Variants in CNOT4 observed in about 807,000 individuals in gnomAD.
The protein encoded by CNOT4 is CCR4-NOT transcription complex subunit 4, also known as CCR4-associated factor 4.
In CNOT4, 8 loss-of-function variants were observed where a neutral mutation model predicts 73.8. The ratio of observed to expected loss-of-function variants is 0.11; its 90% CI spans 0.06 to 0.20. CNOT4 has a LOEUF of 0.20. CNOT4 is among the 10% of genes least tolerant of loss of function. The probability of loss-of-function intolerance (pLI) is 1.00; values close to 1 mark genes in which losing one functional copy is unlikely to be tolerated. For synonymous variants in CNOT4, 293 were observed against 321.1 expected (o/e 0.91, Z 0.94); for missense variants, 564 against 883.4 (o/e 0.64, Z 4.58).
Position 135,362,745 on chromosome 7 carries a change from G to A in CNOT4, c.*140C>T, listed in dbSNP as rs1053998464. 2.4e-6 allele frequency: 2 copies of A among 831,906 alleles called. No individual in the cohort carries two copies. The highest frequency in any genetic ancestry group is 1.7e-5 in the Admixed American group (1 of 59,078). The allele number at this position is 831,906 out of a possible 1,614,324, so 51.5% of individuals were successfully genotyped here. On this transcript the variant is annotated 3_prime_UTR_variant, in exon 12 of 12. Coordinates refer to ENST00000541284, the MANE Select transcript of CNOT4 (RefSeq NM_001190850.2). ...TGACCCTGTGATCGCATTGCATCTG[G>A]GGTTAGGGAGAAAAAAAATTGATCA...
intron 1 of CNOT4, among the ~76,000 whole-genome samples, chr7:135,461,182 T>C (rs181597395): frequency 1.3e-4 from 20 of 152,294 alleles, no homozygotes; most frequent in Admixed American, 1.2e-3. Flanking sequence ...AAGTCTAGTG[T>C]AATGATTCTT....
intron 1 of CNOT4, among the ~76,000 whole-genome samples, chr7:135,466,274 G>A (rs1801212920): frequency 6.6e-6 from 1 of 151,592 alleles, no homozygotes; most frequent in Non-Finnish European, 1.5e-5. Flanking sequence ...GTGAGATCAG[G>A]AGTTTGAGAA....
intron 1 of CNOT4, among the ~76,000 whole-genome samples, chr7:135,468,973 T>G (rs373839300): frequency 3.4e-4 from 51 of 152,218 alleles, no homozygotes; most frequent in African/African-American, 1.2e-3. Context: ...AGAAGCAGCA[T>G]GTGAAGACCA....
intron 1 of CNOT4, among the ~76,000 whole-genome samples, chr7:135,471,467 T>G (rs1801570065): frequency 6.6e-6 from 1 of 152,218 alleles, no homozygotes; most frequent in South Asian, 2.1e-4. Context: ...AGCATCTTCC[T>G]AACTAAAATG....
At chr7:135,482,992 A>T (rs1309948401) in intron 1 of CNOT4, among the ~76,000 whole-genome samples, 2 of 150,586 alleles carry the variant, frequency 1.3e-5, no homozygotes, top group Non-Finnish European at 3.0e-5. Context: ...ATATCAAAAA[A>T]AAAAAAAAAA....
At chr7:135,398,253 A>T (rs942916694) in intron 7 of CNOT4, 27 bp from the exon 8 acceptor site, 2 of 1,209,286 alleles carry the variant, frequency 1.7e-6, no homozygotes, top group Non-Finnish European at 2.5e-6. Flanking sequence ...AATTGAATAA[A>T]ATCAGAATAT....
chr7:135,508,301 TAGTC>T (rs1804503479), intron 1 of CNOT4, among the ~76,000 whole-genome samples: 1 of 152,220 alleles, frequency 6.6e-6, no homozygotes, highest in African/African-American at 2.4e-5. Context: ...ATTTTACCAT[TAGTC>T]AGTACATCTT....
chr7:135,411,586 A>G (rs1797591170), intron 6 of CNOT4, among the ~76,000 whole-genome samples: 1 of 152,038 alleles, frequency 6.6e-6, no homozygotes, highest in South Asian at 2.1e-4. Flanking sequence ...TGTGGAAGCT[A>G]ATTAGACACA....
At chr7:135,368,271 A>C (rs1795017464) in intron 10 of CNOT4, among the ~76,000 whole-genome samples, 1 of 152,176 alleles carries the variant, frequency 6.6e-6, no homozygotes, top group Non-Finnish European at 1.5e-5. Flanking sequence ...TAGTAAGCGG[A>C]TCATGATGCA....
At chr7:135,414,783 C>A (rs974242540) in intron 4 of CNOT4, among the ~76,000 whole-genome samples, 1 of 151,850 alleles carries the variant, frequency 6.6e-6, no homozygotes, top group African/African-American at 2.4e-5. Context: ...AAATTACATT[C>A]TCAAAAATAA....
Position 135,363,071 on chromosome 7 carries a change from T to C in CNOT4, c.1956A>G (p.Ser652=). The change falls in exon 12 of 12, where the codon TCA becomes TCG. Residue 652 remains serine (S), a synonymous_variant. Transcript: ENST00000541284. This position sits in a 1 kb window ranked among gnomAD's most constrained non-coding sequence, Gnocchi z 4.3. ...TEMDGPSAAP[S]QTHHSAPFST... is the part of the protein sequence containing the mutation. The stretch of plus-strand genomic sequence containing the variant: ...TGAAGGGGGCGCTGTGGTGGGTCTG[T>C]GATGGAGCAGCGCTGGGGCCGTCCA... The C allele has an allele frequency of 6.2e-7, 1 of 1,613,972 alleles. No individual in the cohort carries two copies. The highest frequency in any genetic ancestry group is 8.5e-7 in the Non-Finnish European group (1 of 1,179,994).
chr7:135,416,626 G>A (rs577884119), intron 3 of CNOT4, among the ~76,000 whole-genome samples: 15 of 152,280 alleles, frequency 9.9e-5, no homozygotes, highest in African/African-American at 3.6e-4. Flanking sequence ...CCAGCTGGAT[G>A]CATACCAACT....
chr7:135,383,101 C>G (rs1227050330), intron 10 of CNOT4, among the ~76,000 whole-genome samples: 2 of 152,122 alleles, frequency 1.3e-5, no homozygotes, highest in African/African-American at 4.8e-5. Flanking sequence ...CAATAAAATT[C>G]TTACTTTATC....
intron 7 of CNOT4, among the ~76,000 whole-genome samples, chr7:135,404,809 G>A (rs924376718): frequency 7.2e-5 from 11 of 152,092 alleles, no homozygotes; most frequent in Non-Finnish European, 1.6e-4. Flanking sequence ...CATTTCTCTA[G>A]CTAATCCATT....
Position 135,462,134 on chromosome 7 carries a change from T to A in CNOT4, c.-92-23711A>T, listed in dbSNP as rs1042703797. Among the ~76,000 whole-genome samples, 78 of 152,138 alleles carry A rather than the reference T, an allele frequency of 5.1e-4. 2 individuals are homozygous for A. Among genetic ancestry groups the A allele is most frequent in the Non-Finnish European group, 1.5e-5 (1 of 68,004 alleles). On this transcript the variant is annotated intron_variant, in intron 1 of 11. Coordinates refer to ENST00000541284, the MANE Select transcript of CNOT4 (RefSeq NM_001190850.2). Reference sequence around the variant, plus strand: ...AAAGGTGAAAAAAAAGGAAAATTTTTAAAAGAGAAAACAAAGAAGGTAGAT... The same window carrying A: ...AAAGGTGAAAAAAAAGGAAAATTTTAAAAAGAGAAAACAAAGAAGGTAGAT...
intron 2 of CNOT4, among the ~76,000 whole-genome samples, chr7:135,431,653 GA>G (rs1196434437): frequency 6.6e-6 from 1 of 151,766 alleles, no homozygotes; most frequent in Non-Finnish European, 1.5e-5. Context: ...TGAGGCAGGA[GA>G]ATCACTTGAA....
chr7:135,381,689 C>CTT (rs1795853986), intron 10 of CNOT4, among the ~76,000 whole-genome samples: 1 of 152,166 alleles, frequency 6.6e-6, no homozygotes, highest in Admixed American at 6.5e-5. Flanking sequence ...GAGTAGGTTA[C>CTT]TTATTCTGCT....
chr7:135,372,635 C>T (rs1346264303), intron 10 of CNOT4, among the ~76,000 whole-genome samples: 1 of 151,058 alleles, frequency 6.6e-6, no homozygotes, highest in East Asian at 2.0e-4. Context: ...CGGCTCACTG[C>T]AACCTCTGCC....
intron 1 of CNOT4, among the ~76,000 whole-genome samples, chr7:135,447,672 G>C (rs1279711150): frequency 6.6e-6 from 1 of 152,194 alleles, no homozygotes; most frequent in Non-Finnish European, 1.5e-5. Context: ...GACTTCATTT[G>C]CAAGAGTGTG....
Sources: allele counts gnomAD v4.1 joint callset (sites outside exome capture counted in the v4.1 genomes callset), GRCh38; gene constraint gnomAD v4.1.1; non-coding constraint Gnocchi (gnomAD v3.1); transcripts MANE v1.5; gene names NCBI Gene and HGNC (gene_info 2026-07-23, HGNC 2026-07-21).